Variants in PRKG1 observed in about 807,000 individuals in gnomAD.
PRKG1 encodes cGMP-dependent protein kinase 1.
Under a neutral mutation model 88.1 loss-of-function variants are expected in PRKG1, and 35 were observed. That is an observed-to-expected ratio of 0.40 (90% CI 0.30 to 0.53). The LOEUF is 0.53. PRKG1 is among the 20% of genes least tolerant of loss of function. The pLI is 0.59. For synonymous variants in PRKG1, 303 were observed against 292.5 expected, an observed-to-expected ratio of 1.04 and a Z score of -0.37; for missense variants, 540 against 839.8, an observed-to-expected ratio of 0.64 and a Z score of 4.41.
chr10:52,258,624 T>A (rs1841362007), intron 10 of PRKG1, among the ~76,000 whole-genome samples: 1 of 152,032 alleles, frequency 6.6e-6, no homozygotes, highest in Admixed American at 6.6e-5. Flanking sequence ...AATGGGTACA[T>A]CATATTAGGC....
At chr10:52,043,179 A>G (rs1000678203) in intron 5 of PRKG1, among the ~76,000 whole-genome samples, 2 of 152,158 alleles carry the variant, frequency 1.3e-5, no homozygotes, top group Admixed American at 1.3e-4. Flanking sequence ...AAAAAATTAG[A>G]AATAGAGCTG....
intron 1 of PRKG1, among the ~76,000 whole-genome samples, chr10:51,127,724 A>T (rs1163370448): frequency 1.3e-5 from 2 of 152,206 alleles, no homozygotes; most frequent in Non-Finnish European, 2.9e-5. Context: ...CCCACCAAGG[A>T]TAGACTGGAT....
At chr10:51,226,129 G>A (rs914224687) in intron 2 of PRKG1, among the ~76,000 whole-genome samples, 10 of 152,088 alleles carry the variant, frequency 6.6e-5, no homozygotes, top group African/African-American at 1.7e-4. Context: ...ACTTGAACCC[G>A]GGATTCAGAG....
intron 2 of PRKG1, among the ~76,000 whole-genome samples, chr10:51,449,719 T>C (rs1839378638): frequency 6.9e-6 from 1 of 145,112 alleles, no homozygotes; most frequent in Non-Finnish European, 1.5e-5. Context: ...ATCTCTTAGA[T>C]GGAAGCACAA....
intron 3 of PRKG1, among the ~76,000 whole-genome samples, chr10:51,578,499 C>A (rs886887660): frequency 6.6e-6 from 1 of 152,052 alleles, no homozygotes; most frequent in South Asian, 2.1e-4. Flanking sequence ...TATAGAGAAA[C>A]AACCTATAAT....
chr10:51,633,838 T>C (rs934578507), intron 3 of PRKG1, among the ~76,000 whole-genome samples: 2 of 152,136 alleles, frequency 1.3e-5, no homozygotes, highest in Non-Finnish European at 2.9e-5. Flanking sequence ...ACAAAATTGA[T>C]CCATAAGCTA....
intron 3 of PRKG1, among the ~76,000 whole-genome samples, chr10:51,760,474 T>TG (rs1400627675): frequency 1.7e-5 from 2 of 116,778 alleles, no homozygotes; most frequent in South Asian, 2.6e-4. Context: ...GACTTTTCGT[T>TG]TTTTTTTTTT....
chr10:51,538,394 C>CATATAT (rs550125614), intron 3 of PRKG1, among the ~76,000 whole-genome samples: 2 of 144,238 alleles, frequency 1.4e-5, no homozygotes, highest in Admixed American at 1.4e-4. Flanking sequence ...TTATACATAT[C>CATATAT]ATATATATAC....
chr10:51,794,670 T>C (rs1838964710), intron 3 of PRKG1, among the ~76,000 whole-genome samples: 1 of 152,106 alleles, frequency 6.6e-6, no homozygotes, highest in African/African-American at 2.4e-5. Flanking sequence ...GGTATTGCAA[T>C]TGTTAATTAG....
chr10:52,049,710 G>C (rs1268808465), intron 5 of PRKG1, among the ~76,000 whole-genome samples: 1 of 152,030 alleles, frequency 6.6e-6, no homozygotes, highest in African/African-American at 2.4e-5. Context: ...AGAATATTGG[G>C]TTTAGCCCAT....
chr10:51,537,123 C>T (rs1377923024), intron 3 of PRKG1, among the ~76,000 whole-genome samples: 1 of 152,146 alleles, frequency 6.6e-6, no homozygotes, highest in African/African-American at 2.4e-5. Context: ...TGGGTTCTGA[C>T]AGGCTGCTAC....
intron 4 of PRKG1, among the ~76,000 whole-genome samples, chr10:51,899,011 A>G (rs1841918693): frequency 6.6e-6 from 1 of 152,140 alleles, no homozygotes; most frequent in South Asian, 2.1e-4. Context: ...CACCTAACAC[A>G]ATATCTGTTA....
intron 2 of PRKG1, among the ~76,000 whole-genome samples, chr10:51,343,669 A>G (rs1380790936): frequency 6.6e-6 from 1 of 152,176 alleles, no homozygotes; most frequent in Non-Finnish European, 1.5e-5. Context: ...ATTTTCACGT[A>G]TAATTACTAA....
In PRKG1 at chr10:51,878,250, A is replaced by ATGTGTGTGTGTG. The variant is rs57901574; in HGVS notation, c.699-29253_699-29242dup. On this transcript the variant is annotated intron_variant, in intron 4 of 17. Coordinates refer to ENST00000373980, the MANE Select transcript of PRKG1 (RefSeq NM_006258.4). The stretch of plus-strand genomic sequence containing the variant: ...CATGTATGTATATATGTGTGAATAT[A>ATGTGTGTGTGTG]TGTGTGTGTGTGTGTATCCAGCACT... Among the ~76,000 whole-genome samples the ATGTGTGTGTGTG allele has an allele frequency of 3.4e-3, 520 of 150,966 alleles. 6 individuals carry two copies. Among genetic ancestry groups the ATGTGTGTGTGTG allele is most frequent in the African/African-American group, 0.012 (492 of 41,166 alleles).
chr10:51,199,710 T>C (rs1252427599), intron 2 of PRKG1, among the ~76,000 whole-genome samples: 2 of 152,182 alleles, frequency 1.3e-5, no homozygotes, highest in Admixed American at 1.3e-4. Context: ...CTTTGTTTCT[T>C]CACTGAATTT....
chr10:51,221,258 A>G (rs1487604019), intron 2 of PRKG1, among the ~76,000 whole-genome samples: 1 of 152,004 alleles, frequency 6.6e-6, no homozygotes, highest in African/African-American at 2.4e-5. Flanking sequence ...TTTTTATCTG[A>G]TGTATTTTTA....
rs563212069 is a variant in PRKG1 at position 51,908,734 on chromosome 10, A to ATATATATATATATATATTTTT, written c.762+1165_762+1166insATATATATATATATATTTTTT. The ATATATATATATATATATTTTT allele has an allele frequency of 2.8e-3, 144 of 52,192 alleles. 3 individuals carry two copies. The highest frequency in any genetic ancestry group is 8.9e-3 in the East Asian group (26 of 2,908). The allele number at this position is 52,192 out of a possible 1,614,324, so 3.2% of individuals were successfully genotyped here. ...CTCTCTGTCTATCTATCTATATGTA[A>ATATATATATATATATATTTTT]TTTTTTTTTTTTTGAGACAGTGTCT... On this transcript the variant is annotated intron_variant, in intron 5 of 17. Transcript: ENST00000373980.
At chr10:51,123,680 G>C (rs964753499) in intron 1 of PRKG1, among the ~76,000 whole-genome samples, 1 of 129,436 alleles carries the variant, frequency 7.7e-6, no homozygotes, top group African/African-American at 2.7e-5. Context: ...GCAACAGATC[G>C]AGACTCCATC....
chr10:51,098,389 G>T (rs1373869849), intron 1 of PRKG1, among the ~76,000 whole-genome samples: 1 of 152,140 alleles, frequency 6.6e-6, no homozygotes, highest in East Asian at 1.9e-4. Context: ...TGTCCCAGAG[G>T]TCCTGAATTG....
Sources: gnomAD v4.1 joint callset for allele counts (sites outside exome capture counted in the v4.1 genomes callset) on GRCh38, gnomAD v4.1.1 for gene constraint, MANE v1.5 for transcripts, NCBI Gene and HGNC (gene_info 2026-07-23, HGNC 2026-07-21) for gene names.